BBOX1: variants seen among roughly 807,000 people sequenced by gnomAD.
The protein encoded by BBOX1 is gamma-butyrobetaine hydroxylase 1, also known as gamma-butyrobetaine dioxygenase.
In BBOX1, 35 loss-of-function variants were observed where a neutral mutation model predicts 41.6. That is an observed-to-expected ratio of 0.84 (90% CI 0.64 to 1.11). BBOX1 has a LOEUF of 1.11. Ranked by LOEUF, BBOX1 falls within the 50% of genes most tolerant of loss-of-function variation. BBOX1 has a pLI of 0.00. For synonymous variants in BBOX1, 163 were observed against 154.7 expected (o/e 1.05, Z -0.40); for missense variants, 458 against 460.6 (o/e 0.99, Z 0.05).
intron 4 of BBOX1, among the ~76,000 whole-genome samples, chr11:27,091,175 C>T (rs1858230389): frequency 6.6e-6 from 1 of 151,936 alleles, no homozygotes; most frequent in Non-Finnish European, 1.5e-5. Flanking sequence ...CAGCTTCAGC[C>T]AGTCCCTCCA....
At chr11:27,070,001 C>T (rs897049064) in intron 4 of BBOX1, among the ~76,000 whole-genome samples, 1 of 151,972 alleles carries the variant, frequency 6.6e-6, no homozygotes, top group South Asian at 2.1e-4. Flanking sequence ...TTTAAATTTC[C>T]ATCTTGATTT....
chr11:27,117,723 A>G (rs932850034), intron 6 of BBOX1, among the ~76,000 whole-genome samples: 2 of 152,120 alleles, frequency 1.3e-5, no homozygotes, highest in Admixed American at 1.3e-4. Context: ...TGACTTCATA[A>G]ATGTTCCTGA....
chr11:27,095,361 C>T (rs1266158132), intron 5 of BBOX1, among the ~76,000 whole-genome samples: 1 of 143,334 alleles, frequency 7.0e-6, no homozygotes, highest in African/African-American at 2.9e-5. Flanking sequence ...ACAATCTAAG[C>T]TTGATTTATT....
At position 27,125,814 on chromosome 11, in the gene BBOX1, A is replaced by C. The variant is rs764106058; in HGVS notation, c.997A>C (p.Asn333His). 29 of 1,606,722 alleles carry C rather than the reference A, an allele frequency of 1.8e-5. No individual in the cohort carries two copies. In the South Asian group the frequency reaches 3.1e-4, roughly 17 times the overall value. ...AGAATCCAAGTTTACCTTCAAGATG[A>C]ATCCAGGTCAGTGAATACATTTTCT... ...SKESKFTFKM[N>H]PGDVITFDNW... Residue 333 changes from asparagine to histidine, a missense_variant, in exon 8 of 9, where the codon AAT becomes CAT. Physicochemically the swap from Asn to His is moderately conservative, Grantham distance 68. Transcript: ENST00000263182.
At chr11:27,124,323 G>T (rs116909615) in intron 7 of BBOX1, among the ~76,000 whole-genome samples, 1 of 152,216 alleles carries the variant, frequency 6.6e-6, no homozygotes, top group East Asian at 1.9e-4. Flanking sequence ...CCTTCAGTTT[G>T]CATGCATTCA....
intron 2 of BBOX1, among the ~76,000 whole-genome samples, chr11:27,052,677 T>C (rs1043378524): frequency 2.6e-5 from 4 of 152,110 alleles, no homozygotes; most frequent in Non-Finnish European, 4.4e-5. Flanking sequence ...ATCCAACTTA[T>C]CTGTACCCAG....
intron 4 of BBOX1, among the ~76,000 whole-genome samples, chr11:27,070,385 C>T (rs1857405829): frequency 1.3e-5 from 2 of 152,038 alleles, no homozygotes; most frequent in South Asian, 2.1e-4. Flanking sequence ...TATTATGTTG[C>T]TGTCTGTCTT....
At chr11:27,085,420 T>C (rs1395607803) in intron 4 of BBOX1, among the ~76,000 whole-genome samples, 1 of 152,272 alleles carries the variant, frequency 6.6e-6, no homozygotes, top group East Asian at 1.9e-4. Context: ...ATATCTGTTA[T>C]AGTGATCTGT....
At chr11:27,121,549 C>T (rs1859464729) in intron 7 of BBOX1, among the ~76,000 whole-genome samples, 1 of 152,110 alleles carries the variant, frequency 6.6e-6, no homozygotes, top group South Asian at 2.1e-4. Context: ...GCTAGAGTGA[C>T]AGCAGTGGTG....
intron 4 of BBOX1, among the ~76,000 whole-genome samples, chr11:27,090,836 T>C (rs1858217866): frequency 6.6e-6 from 1 of 151,828 alleles, no homozygotes; most frequent in Non-Finnish European, 1.5e-5. Flanking sequence ...TTTCCCAGGG[T>C]ATTAATATTA....
chr11:27,122,345 A>G (rs1859494510), intron 7 of BBOX1, among the ~76,000 whole-genome samples: 1 of 152,126 alleles, frequency 6.6e-6, no homozygotes. Flanking sequence ...GCTGATCCAC[A>G]GTATATTTTC....
At chr11:27,050,993 T>C (rs1379059398) in intron 2 of BBOX1, among the ~76,000 whole-genome samples, 1 of 152,124 alleles carries the variant, frequency 6.6e-6, no homozygotes, top group Non-Finnish European at 1.5e-5. Flanking sequence ...GCATTTATTA[T>C]GTTGAGATAC....
rs539991777 is a variant in BBOX1, at chr11:27,043,156, C to T, written c.-39+1678C>T. On this transcript the variant is annotated intron_variant, in intron 2 of 8. Coordinates refer to ENST00000263182, the MANE Select transcript of BBOX1 (RefSeq NM_003986.3). ...TCGGCTCACTGCAAGCTCCGCCTCC[C>T]GGGTTCACGCCATTCTCCTGCCTCA... 4.6e-5 allele frequency among the ~76,000 whole-genome samples: 7 copies of T among 152,148 alleles called. No individual in the cohort carries two copies. In the South Asian group the frequency reaches 1.2e-3, roughly 27 times the overall value.
chr11:27,045,272 T>G (rs1460367735), intron 2 of BBOX1, among the ~76,000 whole-genome samples: 2 of 152,212 alleles, frequency 1.3e-5, no homozygotes, highest in African/African-American at 4.8e-5. Flanking sequence ...TTTTGCACAT[T>G]GATTTTGTAT....
At chr11:27,052,326 C>A (rs1851696384) in intron 2 of BBOX1, among the ~76,000 whole-genome samples, 1 of 152,048 alleles carries the variant, frequency 6.6e-6, no homozygotes, top group Non-Finnish European at 1.5e-5. Flanking sequence ...ATTTTTACAA[C>A]AGCTCCATAC....
At chr11:27,057,863 GT>G (rs1857032998) in intron 4 of BBOX1, among the ~76,000 whole-genome samples, 1 of 152,090 alleles carries the variant, frequency 6.6e-6, no homozygotes, top group African/African-American at 2.4e-5. Context: ...ATTTATATAG[GT>G]TTCAAGGGGA....
At chr11:27,080,238 T>A (rs10835115) in intron 4 of BBOX1, among the ~76,000 whole-genome samples, 35,240 of 151,884 alleles carry the variant, frequency 0.23, 4,843 homozygotes, top group African/African-American at 0.37. Context: ...CAAAGTTTGA[T>A]TTAAGGGTAT....
chr11:27,050,552 AT>A (rs1669451199), intron 2 of BBOX1, among the ~76,000 whole-genome samples: 1 of 152,088 alleles, frequency 6.6e-6, no homozygotes, highest in African/African-American at 2.4e-5. Flanking sequence ...CTTTCAGTGT[AT>A]AGATCTTTTA....
intron 5 of BBOX1, among the ~76,000 whole-genome samples, chr11:27,111,202 C>T (rs1859050338): frequency 6.6e-6 from 1 of 151,914 alleles, no homozygotes; most frequent in African/African-American, 2.4e-5. Flanking sequence ...TTTGCAGCAA[C>T]ATGGATGCAG....
Sources: gnomAD v4.1 joint callset for allele counts (sites outside exome capture counted in the v4.1 genomes callset) on GRCh38, gnomAD v4.1.1 for gene constraint, MANE v1.5 for transcripts, NCBI Gene and HGNC (gene_info 2026-07-23, HGNC 2026-07-21) for gene names.